AK9: variants seen among roughly 807,000 people sequenced by gnomAD.
AK9 encodes adenylate kinase domain containing 1.
In AK9, 191 loss-of-function variants were observed where a neutral mutation model predicts 239.6. The ratio of observed to expected loss-of-function variants is 0.80; its 90% confidence interval spans 0.71 to 0.90. The LOEUF (loss-of-function observed/expected upper bound fraction) is 0.90. AK9 is among the 40% of genes least tolerant of loss of function. The pLI is 0.00. For synonymous variants in AK9, 689 were observed against 721.0 expected, an observed-to-expected ratio of 0.96 and a Z score of 0.71; for missense variants, 1,995 against 2,214.7, an observed-to-expected ratio of 0.90 and a Z score of 1.99.
intron 26 of AK9, among the ~76,000 whole-genome samples, chr6:109,545,465 T>C (rs1483077016): frequency 2.0e-5 from 3 of 152,306 alleles, no homozygotes; most frequent in South Asian, 4.1e-4. Flanking sequence ...GTTCTTGTGA[T>C]AGTGAATAGT....
intron 8 of AK9, among the ~76,000 whole-genome samples, chr6:109,648,165 T>A (rs1798348479): frequency 6.6e-6 from 1 of 151,714 alleles, no homozygotes; most frequent in African/African-American, 2.4e-5. Flanking sequence ...CACCCTAACA[T>A]CACAATTAAA....
intron 21 of AK9, among the ~76,000 whole-genome samples, chr6:109,567,856 C>T (rs1229183787): frequency 1.4e-5 from 2 of 144,598 alleles, no homozygotes; most frequent in African/African-American, 2.6e-5. Flanking sequence ...ACATTGTGCA[C>T]ATGTACCCTA....
At chr6:109,652,914 G>C (rs1799170662) in intron 8 of AK9, among the ~76,000 whole-genome samples, 1 of 151,980 alleles carries the variant, frequency 6.6e-6, no homozygotes, top group South Asian at 2.1e-4. Flanking sequence ...ATATGGGCCA[G>C]ATTTGTAAAA....
chr6:109,664,075 T>C (rs1001282290), intron 5 of AK9, among the ~76,000 whole-genome samples: 3 of 152,226 alleles, frequency 2.0e-5, no homozygotes, highest in African/African-American at 7.2e-5. Flanking sequence ...ATTTTTTGTT[T>C]TGAAAAATTA....
At chr6:109,559,449 G>A (rs559926620) in intron 24 of AK9, among the ~76,000 whole-genome samples, 5 of 152,240 alleles carry the variant, frequency 3.3e-5, no homozygotes, top group African/African-American at 4.8e-5. Context: ...TTACAGGCGT[G>A]AGCCACTGTG....
intron 27 of AK9, among the ~76,000 whole-genome samples, chr6:109,539,128 T>C (rs933577464): frequency 3.3e-5 from 5 of 152,210 alleles, no homozygotes; most frequent in African/African-American, 1.2e-4. Context: ...GTTCTCTGTA[T>C]TTCCTGAATT....
chr6:109,510,569 C>T (rs549925159), intron 32 of AK9, among the ~76,000 whole-genome samples: 1 of 152,082 alleles, frequency 6.6e-6, no homozygotes, highest in Non-Finnish European at 1.5e-5. Flanking sequence ...CAGAGAGGAG[C>T]TACCCTCTCC....
rs1782953736 is a variant in AK9, at chr6:109,541,964, T to C, written c.3350+83A>G. The C allele has an allele frequency of 5.8e-6, 7 of 1,206,420 alleles. No individual in the cohort carries two copies. The East Asian group carries it at 8.1e-5, about 14-fold the overall frequency. The allele number at this position is 1,206,420 out of a possible 1,614,324, so 74.7% of individuals were successfully genotyped here. On this transcript the variant is annotated intron_variant, in intron 27 of 40. Transcript: ENST00000424296. ...GAATATAAAGGAGAAAGTTCTTAAA[T>C]GTATGTTAAACTACATTTTTAACTT...
At chr6:109,599,749 C>A (rs1230571512) in intron 17 of AK9, among the ~76,000 whole-genome samples, 3 of 152,028 alleles carry the variant, frequency 2.0e-5, no homozygotes, top group Non-Finnish European at 4.4e-5. Context: ...CTTTTATTTC[C>A]TTGAGCAGTG....
chr6:109,544,013 G>A lies in AK9; in HGVS notation c.3226-1842C>T, dbSNP rs112722594. Among the ~76,000 whole-genome samples, 1,242 of 152,084 alleles carry A rather than the reference G, an allele frequency of 8.2e-3. 26 individuals are homozygous for A. Among genetic ancestry groups the A allele is most frequent in the African/African-American group, 0.027 (1,104 of 41,534 alleles). Reference sequence around the variant, plus strand: ...GCATGCCTGCAGTCCCAGCTACTTAGGAGGCTGAGGTGAGAGGATCGCTTG... The same window carrying A: ...GCATGCCTGCAGTCCCAGCTACTTAAGAGGCTGAGGTGAGAGGATCGCTTG... On this transcript the variant is annotated intron_variant, in intron 26 of 40. Coordinates refer to ENST00000424296, the MANE Select transcript of AK9 (RefSeq NM_001145128.3).
chr6:109,675,442 G>A (rs991097529), intron 2 of AK9, among the ~76,000 whole-genome samples, 187 bp downstream of exon 2: 10 of 152,098 alleles, frequency 6.6e-5, no homozygotes, highest in Non-Finnish European at 1.3e-4. Flanking sequence ...GCATATGTGT[G>A]CATGTGTGCA....
chr6:109,624,648 C>T (rs984488601), intron 12 of AK9, among the ~76,000 whole-genome samples: 2 of 152,116 alleles, frequency 1.3e-5, no homozygotes, highest in Non-Finnish European at 2.9e-5. Flanking sequence ...TGGATCTTTG[C>T]CCCCATTGTC....
intron 5 of AK9, among the ~76,000 whole-genome samples, chr6:109,669,615 C>T (rs189888638): frequency 3.3e-5 from 5 of 152,088 alleles, no homozygotes; most frequent in Admixed American, 6.5e-5. Flanking sequence ...TGAATTTTGT[C>T]AAAGGCCTTT....
intron 8 of AK9, among the ~76,000 whole-genome samples, chr6:109,655,227 T>C (rs77511099): frequency 0.021 from 3,159 of 152,332 alleles, 85 homozygotes; most frequent in East Asian, 0.11. Context: ...TCTTACTACC[T>C]GTTCATCTTT....
chr6:109,662,674 AAATAT>A lies in AK9; in HGVS notation c.332-16_332-12del, dbSNP rs1171929263. On this transcript the variant is annotated splice_polypyrimidine_tract_variant and intron_variant, in intron 5 of 40. Transcript: ENST00000424296. ...CAGTGATAATATAACCTGTAAAGTA[AAATAT>A]AATTTTAAAACTTTTATAAAATTAT... is the stretch of plus-strand genomic sequence containing the variant. The A allele has an allele frequency of 7.0e-7, 1 of 1,424,550 alleles. No homozygotes were observed. Among genetic ancestry groups the A allele is most frequent in the Non-Finnish European group, 9.3e-7 (1 of 1,076,416 alleles). The allele number at this position is 1,424,550 out of a possible 1,614,324, so 88.2% of individuals were successfully genotyped here.
intron 10 of AK9, among the ~76,000 whole-genome samples, chr6:109,633,931 CTTATT>C (rs1468392615): frequency 2.6e-5 from 4 of 152,192 alleles, no homozygotes; most frequent in East Asian, 1.9e-4. Context: ...TGGGAACATG[CTTATT>C]TTATTTTATA....
At chr6:109,669,021 T>C (rs59136221) in intron 5 of AK9, among the ~76,000 whole-genome samples, 14 of 147,528 alleles carry the variant, frequency 9.5e-5, no homozygotes, top group East Asian at 4.1e-4. Flanking sequence ...ATTCTTCCTA[T>C]CCATGAGCAT....
intron 27 of AK9, among the ~76,000 whole-genome samples, chr6:109,538,682 T>C (rs576687576): frequency 3.3e-4 from 50 of 152,264 alleles, no homozygotes; most frequent in African/African-American, 1.1e-3. Context: ...CGTTAGTTGA[T>C]GCAGTTTCTT....
In AK9 at chr6:109,496,443, G is replaced by A. The variant is rs532101493; in HGVS notation, c.5316-1003C>T. The stretch of plus-strand genomic sequence containing the variant: ...CTGCTCCTTGGAGCTCTGTAGTCAC[G>A]TCCTCTCACATCACTTGACAAAACC... On this transcript the variant is annotated intron_variant, in intron 38 of 40. Transcript: ENST00000424296. Among the ~76,000 whole-genome samples the A allele has an allele frequency of 1.2e-4, 19 of 152,296 alleles. No individual in the cohort carries two copies. The East Asian group carries it at 1.9e-3, about 15-fold the overall frequency.
Sources: allele counts gnomAD v4.1 joint callset (sites outside exome capture counted in the v4.1 genomes callset), GRCh38; gene constraint gnomAD v4.1.1; transcripts MANE v1.5; gene names NCBI Gene and HGNC (gene_info 2026-07-23, HGNC 2026-07-21).